SCFD2: variants seen among roughly 807,000 people sequenced by gnomAD.
SCFD2 encodes the protein sec1 family domain containing 2.
Under a neutral mutation model 58.9 loss-of-function variants are expected in SCFD2, and 54 were observed. The ratio of observed to expected loss-of-function variants is 0.92; its 90% CI spans 0.74 to 1.15. SCFD2 has a LOEUF of 1.15. SCFD2 is among the 50% of genes most tolerant of loss of function. The pLI, the probability that SCFD2 is intolerant of heterozygous loss-of-function variation, is 0.00. For synonymous variants in SCFD2, 321 were observed against 335.9 expected (o/e 0.96, Z 0.49); for missense variants, 805 against 836.6 (o/e 0.96, Z 0.47).
At chr4:53,159,120 C>T (rs555019906) in intron 4 of SCFD2, among the ~76,000 whole-genome samples, 1 of 152,226 alleles carries the variant, frequency 6.6e-6, no homozygotes, top group African/African-American at 2.4e-5. Context: ...TAGCTCCGCC[C>T]TTTGAATACA....
intron 5 of SCFD2, among the ~76,000 whole-genome samples, chr4:53,036,721 A>G (rs1051038949): frequency 6.6e-6 from 1 of 152,078 alleles, no homozygotes; most frequent in African/African-American, 2.4e-5. Context: ...AAAGGATAAC[A>G]TTAGGAGAAA....
chr4:53,147,605 G>C (rs117126762), intron 4 of SCFD2, among the ~76,000 whole-genome samples: 3 of 152,208 alleles, frequency 2.0e-5, no homozygotes, highest in East Asian at 1.9e-4. Context: ...ACACACACAT[G>C]CTTCCAAAGG....
At chr4:53,340,982 AG>A (rs1215202428) in intron 2 of SCFD2, among the ~76,000 whole-genome samples, 6 of 152,200 alleles carry the variant, frequency 3.9e-5, no homozygotes. Flanking sequence ...CAAAGACCAA[AG>A]GTAGATAAAA....
At chr4:53,219,544 C>T (rs1376979423) in intron 4 of SCFD2, among the ~76,000 whole-genome samples, 2 of 152,254 alleles carry the variant, frequency 1.3e-5, no homozygotes, top group South Asian at 2.1e-4. Context: ...CACTGCTTTC[C>T]ATGTCTAGGA....
At chr4:53,337,230 G>GTGCA (rs1213830290) in intron 2 of SCFD2, among the ~76,000 whole-genome samples, 1 of 152,190 alleles carries the variant, frequency 6.6e-6, no homozygotes, top group Non-Finnish European at 1.5e-5. Flanking sequence ...GTCATCCTCT[G>GTGCA]TGCATGCATG....
intron 4 of SCFD2, among the ~76,000 whole-genome samples, chr4:53,169,819 T>A (rs555296722): frequency 4.6e-5 from 7 of 152,336 alleles, no homozygotes; most frequent in African/African-American, 1.2e-4. Context: ...TCTTTGTTGG[T>A]CATTTGTATA....
At chr4:53,093,571 T>A (rs1441036616) in intron 5 of SCFD2, among the ~76,000 whole-genome samples, 1 of 152,134 alleles carries the variant, frequency 6.6e-6, no homozygotes, top group Non-Finnish European at 1.5e-5. Flanking sequence ...TTAAACAACT[T>A]CAATGGCCAC....
At position 52,901,201 on chromosome 4, in the gene SCFD2, G is replaced by A. The variant is rs187878833; in HGVS notation, c.1842+6256C>T. On this transcript the variant is annotated intron_variant, in intron 7 of 8. Transcript: ENST00000401642. ...GTGAGATGAACCCGGTACCTCAGTT[G>A]GAAATGCAGAAACCACCCATCTTCT... Among the ~76,000 whole-genome samples the A allele has an allele frequency of 7.9e-5, 12 of 152,302 alleles. No homozygotes were observed. The East Asian group carries it at 2.3e-3, about 29-fold the overall frequency.
chr4:53,171,067 A>G (rs922659805), intron 4 of SCFD2, among the ~76,000 whole-genome samples: 2 of 152,180 alleles, frequency 1.3e-5, no homozygotes, highest in African/African-American at 4.8e-5. Flanking sequence ...TATGCTAAAT[A>G]GAAGTGGTGA....
At chr4:53,236,582 A>G (rs1729618664) in intron 4 of SCFD2, among the ~76,000 whole-genome samples, 1 of 150,354 alleles carries the variant, frequency 6.7e-6, no homozygotes, top group Non-Finnish European at 1.5e-5. Flanking sequence ...AACTTTGAGT[A>G]TATTGTTCTA....
intron 4 of SCFD2, among the ~76,000 whole-genome samples, chr4:53,167,255 T>G (rs1577795881): frequency 6.6e-6 from 1 of 152,352 alleles, no homozygotes; most frequent in East Asian, 1.9e-4. Flanking sequence ...TAGCCTTTTC[T>G]ACTCTAGGAC....
At chr4:53,073,085 T>A (rs1278581150) in intron 5 of SCFD2, among the ~76,000 whole-genome samples, 1 of 147,136 alleles carries the variant, frequency 6.8e-6, no homozygotes, top group Non-Finnish European at 1.5e-5. Context: ...ATGTACATAC[T>A]TTTTTTCCTT....
intron 2 of SCFD2, among the ~76,000 whole-genome samples, chr4:53,341,046 G>C (rs1733854496): frequency 6.6e-6 from 1 of 152,146 alleles, no homozygotes; most frequent in Non-Finnish European, 1.5e-5. Flanking sequence ...CTAAAAATCA[G>C]AGCACCTCTT....
At chr4:53,007,305 G>GAGAGAGAGA (rs1721990724) in intron 5 of SCFD2, among the ~76,000 whole-genome samples, 6 of 66,082 alleles carry the variant, frequency 9.1e-5, no homozygotes, top group African/African-American at 3.1e-4. Flanking sequence ...AGAGGGAGAG[G>GAGAGAGAGA]GAGAGAGAGA....
chr4:53,048,663 C>G (rs1032219074), intron 5 of SCFD2, among the ~76,000 whole-genome samples: 24 of 152,290 alleles, frequency 1.6e-4, no homozygotes, highest in African/African-American at 4.6e-4. Flanking sequence ...ATCGCTCGAG[C>G]CTGAAAGGTC....
At chr4:52,952,165 C>T (rs1332902636) in intron 5 of SCFD2, among the ~76,000 whole-genome samples, 2 of 151,274 alleles carry the variant, frequency 1.3e-5, no homozygotes, top group African/African-American at 4.9e-5. Context: ...TCTACTTTCT[C>T]TCTGTTCGTC....
chr4:53,359,887 G>T (rs1465249967), intron 1 of SCFD2, among the ~76,000 whole-genome samples: 3 of 152,144 alleles, frequency 2.0e-5, no homozygotes, highest in Non-Finnish European at 1.5e-5. Flanking sequence ...TCAATGTGGG[G>T]CCACTCTGAA....
intron 7 of SCFD2, among the ~76,000 whole-genome samples, chr4:52,899,923 T>C (rs989352198): frequency 1.3e-5 from 2 of 152,208 alleles, no homozygotes; most frequent in African/African-American, 4.8e-5. Flanking sequence ...CTGATACCCT[T>C]TTTTCCAGTT....
chr4:53,018,066 C>T (rs1033567407), intron 5 of SCFD2, among the ~76,000 whole-genome samples: 2 of 152,180 alleles, frequency 1.3e-5, no homozygotes, highest in African/African-American at 4.8e-5. Flanking sequence ...ACATACTATG[C>T]GTTTGTTTGT....
Sources: gnomAD v4.1 joint callset for allele counts (sites outside exome capture counted in the v4.1 genomes callset) on GRCh38, gnomAD v4.1.1 for gene constraint, MANE v1.5 for transcripts, NCBI Gene and HGNC (gene_info 2026-07-23, HGNC 2026-07-21) for gene names.